Variants in SMAD9 observed in about 807,000 individuals in gnomAD.
The protein encoded by SMAD9 is SMAD family member 9.
SMAD9 carries 36 observed loss-of-function variants against 46.1 expected under a neutral mutation model. The ratio of observed to expected loss-of-function variants is 0.78; its 90% CI spans 0.60 to 1.03. The LOEUF is 1.03. Ranked by LOEUF, SMAD9 falls within the 50% of genes least tolerant of loss-of-function variation. The pLI is 0.00. For missense variants in SMAD9, 572 were observed against 599.8 expected (o/e 0.95, Z 0.48); for synonymous variants, 245 against 237.1 (o/e 1.03, Z -0.31).
At chr13:36,863,035 C>T (rs1171515501) in intron 5 of SMAD9, among the ~76,000 whole-genome samples, 1 of 152,186 alleles carries the variant, frequency 6.6e-6, no homozygotes, top group Non-Finnish European at 1.5e-5. Flanking sequence ...GAGATGAATG[C>T]ATATTACTAA....
intron 3 of SMAD9, among the ~76,000 whole-genome samples, chr13:36,867,945 C>T (rs970937032): frequency 2.0e-5 from 3 of 152,158 alleles, no homozygotes; most frequent in African/African-American, 7.2e-5. Context: ...GGGATGCATT[C>T]CGTGGATAAT....
At chr13:36,906,396 G>A (rs981601422) in intron 1 of SMAD9, among the ~76,000 whole-genome samples, 2 of 152,024 alleles carry the variant, frequency 1.3e-5, no homozygotes, top group African/African-American at 4.8e-5. Context: ...AAAAAATGCA[G>A]TTTCTCGAGA....
chr13:36,864,090 T>A (rs979897109), intron 5 of SMAD9, among the ~76,000 whole-genome samples: 8 of 152,236 alleles, frequency 5.3e-5, no homozygotes, highest in Non-Finnish European at 1.5e-5. Flanking sequence ...ACATTATGTG[T>A]TAATGTTTTG....
chr13:36,879,589 G>A lies in SMAD9; in HGVS notation c.101C>T (p.Ala34Val), dbSNP rs2058383598. The change falls in exon 2 of 7, where the codon GCA (alanine) becomes GTA (valine). Residue 34 changes from alanine to valine, a missense_variant. Physicochemically the swap from Ala to Val is moderately conservative, Grantham distance 64. Transcript: ENST00000379826. ...CACTAGAGAGTCCACTGCCTTCTCTGCCCACTTTTCCTCTTCATCTCCTTG... is the reference window on the plus strand; with the variant it reads ...CACTAGAGAGTCCACTGCCTTCTCTACCCACTTTTCCTCTTCATCTCCTTG... ...WKQGDEEEKW[A>V]EKAVDSLVKK... 6.2e-7 allele frequency: 1 copy of A among 1,614,150 alleles called. No homozygotes were observed. Among genetic ancestry groups the A allele is most frequent in the Non-Finnish European group, 8.5e-7 (1 of 1,180,014 alleles).
chr13:36,853,760 G>T, intron 5 of SMAD9, 85 bp from the exon 6 acceptor site: 2 of 1,386,964 alleles, frequency 1.4e-6, no homozygotes, highest in African/African-American at 1.4e-5. Context: ...TAGGAGATGT[G>T]ACTCTCCCAT....
intron 3 of SMAD9, among the ~76,000 whole-genome samples, chr13:36,867,772 T>C (rs1402436069): frequency 6.6e-6 from 1 of 152,190 alleles, no homozygotes; most frequent in Non-Finnish European, 1.5e-5. Context: ...TTTCAGCTTC[T>C]ATGTTGTCAC....
intron 2 of SMAD9, among the ~76,000 whole-genome samples, chr13:36,873,325 C>CT (rs1472254179): frequency 2.0e-5 from 3 of 152,096 alleles, no homozygotes; most frequent in Non-Finnish European, 2.9e-5. Context: ...CCAAATAAGT[C>CT]TTTTTTTCCC....
At chr13:36,910,122 G>A (rs944155234) in intron 1 of SMAD9, among the ~76,000 whole-genome samples, 2 of 152,016 alleles carry the variant, frequency 1.3e-5, no homozygotes, top group African/African-American at 2.4e-5. Flanking sequence ...GCATGAACCG[G>A]GGAGGCAGAG....
At chr13:36,875,150 C>T (rs1439744152) in intron 2 of SMAD9, among the ~76,000 whole-genome samples, 6 of 151,928 alleles carry the variant, frequency 3.9e-5, no homozygotes, top group African/African-American at 9.7e-5. Context: ...TTGTCAACCA[C>T]AGGCAAGTAT....
intron 1 of SMAD9, among the ~76,000 whole-genome samples, chr13:36,895,854 T>C (rs1288764187): frequency 6.6e-6 from 1 of 152,174 alleles, no homozygotes; most frequent in Non-Finnish European, 1.5e-5. Flanking sequence ...CAGATATTAA[T>C]CTACTTGAAA....
intron 1 of SMAD9, among the ~76,000 whole-genome samples, chr13:36,897,424 T>C (rs1433873223): frequency 6.6e-6 from 1 of 152,230 alleles, no homozygotes; most frequent in Non-Finnish European, 1.5e-5. Context: ...TCATTCTTGG[T>C]ACCTGCTTCA....
Position 36,888,607 on chromosome 13 carries a change from T to A in SMAD9, c.-186-8732A>T, listed in dbSNP as rs562166939. ...AGGCAAGTATTTGGGCACTTATGTA[T>A]AACAGATGCAAAAATATCACTGCAA... On this transcript the variant is annotated intron_variant, in intron 1 of 6. Coordinates refer to ENST00000379826, the MANE Select transcript of SMAD9 (RefSeq NM_001127217.3). Among the ~76,000 whole-genome samples the A allele has an allele frequency of 3.9e-4, 59 of 152,236 alleles. 1 individual carries two copies. The South Asian group carries it at 8.5e-3, about 22-fold the overall frequency.
chr13:36,916,189 T>A (rs751319130), intron 1 of SMAD9, among the ~76,000 whole-genome samples: 5 of 152,226 alleles, frequency 3.3e-5, no homozygotes, highest in Admixed American at 6.5e-5. Flanking sequence ...TCAATTTTTA[T>A]GCGGCTATGG....
chr13:36,896,407 A>G (rs1419582644), intron 1 of SMAD9, among the ~76,000 whole-genome samples: 1 of 152,188 alleles, frequency 6.6e-6, no homozygotes, highest in East Asian at 1.9e-4. Context: ...TGTTGGGCTT[A>G]CAGGTGCGAG....
At chr13:36,860,925 G>A (rs1448287224) in intron 5 of SMAD9, among the ~76,000 whole-genome samples, 1 of 152,154 alleles carries the variant, frequency 6.6e-6, no homozygotes, top group Non-Finnish European at 1.5e-5. Context: ...CCAAGGTATT[G>A]CCTTTGACAT....
At chr13:36,883,684 G>C (rs1471541103) in intron 1 of SMAD9, among the ~76,000 whole-genome samples, 1 of 152,204 alleles carries the variant, frequency 6.6e-6, no homozygotes, top group Non-Finnish European at 1.5e-5. Context: ...CTGTGAATCG[G>C]AAGTTGCAGT....
chr13:36,890,160 A>G (rs960639300), intron 1 of SMAD9, among the ~76,000 whole-genome samples: 12 of 152,236 alleles, frequency 7.9e-5, no homozygotes, highest in Admixed American at 5.2e-4. Context: ...TTTGTTTTCT[A>G]AAGGCATATT....
At chr13:36,851,021 C>T (rs530683931) in intron 6 of SMAD9, among the ~76,000 whole-genome samples, 134 of 152,288 alleles carry the variant, frequency 8.8e-4, no homozygotes, top group African/African-American at 2.9e-3. Flanking sequence ...ACTATAGCCT[C>T]CTAAGTGGTT....
chr13:36,872,637 C>G (rs2058306005), intron 3 of SMAD9, 21 bp downstream of exon 3: 1 of 1,613,602 alleles, frequency 6.2e-7, no homozygotes, highest in Non-Finnish European at 8.5e-7. Context: ...TATTTCCCCA[C>G]AGACCATAGT....
Sources: allele counts gnomAD v4.1 joint callset (sites outside exome capture counted in the v4.1 genomes callset), GRCh38; gene constraint gnomAD v4.1.1; transcripts MANE v1.5; gene names NCBI Gene and HGNC (gene_info 2026-07-23, HGNC 2026-07-21).